The following LMX1A variants were observed in gnomAD, a reference collection of about 807,000 sequenced individuals.
LMX1A encodes the protein LIM homeobox transcription factor 1-alpha.
In LMX1A, 15 loss-of-function variants were observed where a neutral mutation model predicts 49.1. The observed-to-expected ratio is 0.31, with a 90% CI of 0.20 to 0.47. The LOEUF (loss-of-function observed/expected upper bound fraction) is 0.47. Among genes scored for constraint, LMX1A ranks in the 20% least tolerant of loss-of-function variants. The pLI, the probability that LMX1A is intolerant of heterozygous loss-of-function variation, is 1.00. For synonymous variants in LMX1A, 167 were observed against 185.7 expected (o/e 0.90, Z 0.82); for missense variants, 372 against 475.8 (o/e 0.78, Z 2.03).
chr1:165,252,810 C>T (rs1460699779), intron 3 of LMX1A, among the ~76,000 whole-genome samples: 1 of 152,180 alleles, frequency 6.6e-6, no homozygotes, highest in Non-Finnish European at 1.5e-5. Context: ...ATGAGCCCCA[C>T]CCTGGCAGTA....
chr1:165,217,342 G>A (rs1022063687), intron 4 of LMX1A, among the ~76,000 whole-genome samples: 1 of 152,154 alleles, frequency 6.6e-6, no homozygotes, highest in Non-Finnish European at 1.5e-5. Flanking sequence ...CCTGGGACAT[G>A]TGTACATCCC....
chr1:165,217,690 CTTGAATACTGTCCGCATTTGG>C (rs1307162761), intron 4 of LMX1A, among the ~76,000 whole-genome samples: 1 of 152,076 alleles, frequency 6.6e-6, no homozygotes, highest in Non-Finnish European at 1.5e-5. Flanking sequence ...TTTCACAGCC[CTTGAATACTGTCCGCATTTGG>C]TTGAAAAAAA....
intron 4 of LMX1A, among the ~76,000 whole-genome samples, chr1:165,235,887 A>G (rs984388385): frequency 6.6e-6 from 1 of 152,092 alleles, no homozygotes; most frequent in African/African-American, 2.4e-5. Flanking sequence ...ATTTTCTCAT[A>G]AAACTGCCGT....
intron 4 of LMX1A, among the ~76,000 whole-genome samples, chr1:165,217,263 G>C (rs1394249506): frequency 6.6e-6 from 1 of 152,198 alleles, no homozygotes; most frequent in Non-Finnish European, 1.5e-5. Context: ...AGTTTGTTCA[G>C]AGCCCCAGAG....
chr1:165,287,445 G>C (rs1235239708), intron 3 of LMX1A, among the ~76,000 whole-genome samples: 1 of 152,208 alleles, frequency 6.6e-6, no homozygotes, highest in African/African-American at 2.4e-5. Context: ...GGGAGGCGGT[G>C]ACAAGACTGG....
Position 165,355,321 on chromosome 1 carries a change from C to T in LMX1A, c.76+163G>A, listed in dbSNP as rs1050039731. Among the ~76,000 whole-genome samples, 2 of 152,022 alleles carry T rather than the reference C, an allele frequency of 1.3e-5. No individual in the cohort carries two copies. The highest frequency in any genetic ancestry group is 3.9e-4 in the East Asian group (2 of 5,138). ...CTTGTTGGATTTATTTGGGTAGGGA[C>T]GACCCACAAGCACTGACGGACAGAT... is the stretch of plus-strand genomic sequence containing the variant. On this transcript the variant is annotated intron_variant, in intron 2 of 8. Coordinates refer to ENST00000342310, the MANE Select transcript of LMX1A (RefSeq NM_177398.4). The surrounding 1 kb of genome is among the most constrained non-coding windows in gnomAD (Gnocchi z 4.7).
chr1:165,341,089 G>T (rs939960086), intron 3 of LMX1A, among the ~76,000 whole-genome samples: 1 of 152,044 alleles, frequency 6.6e-6, no homozygotes, highest in African/African-American at 2.4e-5. Context: ...AAATAAATAT[G>T]GCCACAATAT....
At chr1:165,247,054 C>CTTTTTTTTTTCTTTTTTTTTTT (rs1652877682) in intron 4 of LMX1A, among the ~76,000 whole-genome samples, 1 of 53,228 alleles carries the variant, frequency 1.9e-5, no homozygotes, top group Non-Finnish European at 3.3e-5. Context: ...TCAGCTTTTT[C>CTTTTTTTTTTCTTTTTTTTTTT]TTTTTTTTTT....
intron 3 of LMX1A, among the ~76,000 whole-genome samples, chr1:165,315,169 T>C (rs1375899095): frequency 6.6e-6 from 1 of 152,192 alleles, no homozygotes; most frequent in Non-Finnish European, 1.5e-5. Context: ...TCTCTACCCC[T>C]CCCTGTTTAG....
chr1:165,217,567 C>T (rs945541706), intron 4 of LMX1A, among the ~76,000 whole-genome samples: 1 of 152,194 alleles, frequency 6.6e-6, no homozygotes, highest in South Asian at 2.1e-4. Flanking sequence ...GGTTCCAGGA[C>T]CCCTGCATAT....
intron 3 of LMX1A, among the ~76,000 whole-genome samples, chr1:165,264,259 AT>A (rs1371434155): frequency 6.6e-6 from 1 of 152,162 alleles, no homozygotes; most frequent in Non-Finnish European, 1.5e-5. Context: ...TGCCTTTCAT[AT>A]GGCTCTGCTC....
At chr1:165,280,698 T>C (rs115103179) in intron 3 of LMX1A, among the ~76,000 whole-genome samples, 6,322 of 152,342 alleles carry the variant, frequency 0.041, 182 homozygotes, top group Non-Finnish European at 0.061. Flanking sequence ...TCTGCTTTTC[T>C]ATTGCATAGG....
intron 4 of LMX1A, chr1:165,218,950 C>T (rs1571154928): frequency 6.6e-6 from 1 of 152,232 alleles, no homozygotes; most frequent in South Asian, 2.1e-4. Flanking sequence ...TAGACACAAA[C>T]GCAGCATAAA....
chr1:165,347,059 G>A (rs537025162), intron 3 of LMX1A, among the ~76,000 whole-genome samples: 1 of 152,294 alleles, frequency 6.6e-6, no homozygotes, highest in African/African-American at 2.4e-5. Flanking sequence ...ACTAATTTTA[G>A]TTGTGATAAA....
chr1:165,274,654 G>A (rs1653909277), intron 3 of LMX1A, among the ~76,000 whole-genome samples: 1 of 152,212 alleles, frequency 6.6e-6, no homozygotes, highest in African/African-American at 2.4e-5. Context: ...CTCATAAAGA[G>A]CTGTGGGATG....
chr1:165,328,831 C>G (rs1432578497), intron 3 of LMX1A, among the ~76,000 whole-genome samples: 1 of 152,190 alleles, frequency 6.6e-6, no homozygotes, highest in Non-Finnish European at 1.5e-5. Context: ...CAGAAATAAT[C>G]TCAGCTCACA....
At chr1:165,221,944 C>CACACACACACAT (rs148884855) in intron 4 of LMX1A, among the ~76,000 whole-genome samples, 3 of 149,266 alleles carry the variant, frequency 2.0e-5, no homozygotes, top group South Asian at 2.1e-4. Context: ...CACACACACA[C>CACACACACACAT]GCACACGCAC....
chr1:165,210,645 A>G, intron 6 of LMX1A, 54 bp downstream of exon 6: 1 of 1,370,358 alleles, frequency 7.3e-7, no homozygotes, highest in Non-Finnish European at 1.0e-6. Flanking sequence ...TCCTACTGTG[A>G]TTATTTCAGG....
chr1:165,316,854 T>A (rs189327647), intron 3 of LMX1A, among the ~76,000 whole-genome samples: 1 of 152,170 alleles, frequency 6.6e-6, no homozygotes, highest in Admixed American at 6.5e-5. Context: ...CACAGGGCAC[T>A]CGGGCCCGGG....
Sources: allele counts gnomAD v4.1 joint callset (sites outside exome capture counted in the v4.1 genomes callset), GRCh38; gene constraint gnomAD v4.1.1; non-coding constraint Gnocchi (gnomAD v3.1); transcripts MANE v1.5; gene names NCBI Gene and HGNC (gene_info 2026-07-23, HGNC 2026-07-21).